PSIP1: variants seen among roughly 807,000 people sequenced by gnomAD.
The protein encoded by PSIP1 is PC4 and SFRS1-interacting protein.
A neutral mutation model predicts 74.7 loss-of-function variants in PSIP1; 19 were observed. The observed-to-expected ratio is 0.25, with a 90% CI of 0.18 to 0.37. PSIP1 has a LOEUF of 0.37. Among genes scored for constraint, PSIP1 ranks in the 10% least tolerant of loss-of-function variants. The pLI is 1.00. For synonymous variants in PSIP1, 222 were observed against 195.3 expected (o/e 1.14, Z -1.14); for missense variants, 601 against 614.3 (o/e 0.98, Z 0.23).
At chr9:15,494,425 C>G (rs1320413042) in intron 3 of PSIP1, among the ~76,000 whole-genome samples, 1 of 151,718 alleles carries the variant, frequency 6.6e-6, no homozygotes, top group Non-Finnish European at 1.5e-5. Flanking sequence ...ATTAGCCAGG[C>G]GTGGTGGCAC....
chr9:15,497,325 C>CTTTATTTTTTTT (rs2037124543), intron 3 of PSIP1, among the ~76,000 whole-genome samples: 1 of 118,594 alleles, frequency 8.4e-6, no homozygotes, highest in East Asian at 2.2e-4. Context: ...TCTATGATTC[C>CTTTATTTTTTTT]TTTTTTTTTT....
intron 15 of PSIP1, chr9:15,465,885 A>AT (rs1421845671): frequency 5.8e-5 from 16 of 275,282 alleles, no homozygotes; most frequent in Non-Finnish European, 6.7e-6. Flanking sequence ...TTTAAAGAAC[A>AT]TGAGAATGTT....
Position 15,473,900 on chromosome 9 carries a change from CAAACAAAAAAAAAACAAAAAAAA to C in PSIP1, c.858+86_858+108del, listed in dbSNP as rs1418195168. 1.1e-3 allele frequency: 870 copies of C among 758,870 alleles called. 4 individuals carry two copies. The highest frequency in any genetic ancestry group is 7.0e-3 in the African/African-American group (191 of 27,232). The allele number at this position is 758,870 out of a possible 1,614,324, so 47.0% of individuals were successfully genotyped here. A position where few individuals can be genotyped will look rare whatever the true frequency, so the allele number is the denominator to read the frequency against. On this transcript the variant is annotated intron_variant, in intron 9 of 15. Coordinates refer to ENST00000380733, the MANE Select transcript of PSIP1 (RefSeq NM_033222.5). ...TAAGCAACACAGCGAGACTCCATCT[CAAACAAAAAAAAAACAAAAAAAA>C]AAACAAAAAAAAAACAAAGAAAAAA...
Position 15,506,551 on chromosome 9 carries a change from C to G in PSIP1, c.149+10G>C. The G allele has an allele frequency of 6.3e-7, 1 of 1,588,794 alleles. No homozygotes were observed. Among genetic ancestry groups the G allele is most frequent in the Non-Finnish European group, 8.6e-7 (1 of 1,157,862 alleles). ...AGCTCTGATTTGCCTTTAAAGCTAA[C>G]AGGACTTACGTCTCATGAGTTCCAA... On this transcript the variant is annotated intron_variant, in intron 3 of 15. Transcript: ENST00000380733.
At chr9:15,481,812 T>C (rs1337199621) in intron 6 of PSIP1, among the ~76,000 whole-genome samples, 1 of 152,220 alleles carries the variant, frequency 6.6e-6, no homozygotes, top group Non-Finnish European at 1.5e-5. Context: ...ACCATGCACG[T>C]GTGTTCATGA....
chr9:15,469,420 T>C, intron 11 of PSIP1, 84 bp from the exon 12 acceptor site: 1 of 792,488 alleles, frequency 1.3e-6, no homozygotes, highest in Non-Finnish European at 2.0e-6. Context: ...AATGAATTAG[T>C]GGACTTAAAA....
chr9:15,486,943 C>G lies in PSIP1; in HGVS notation c.289-12G>C. The G allele has an allele frequency of 6.5e-7, 1 of 1,535,732 alleles. No individual in the cohort carries two copies. Among genetic ancestry groups the G allele is most frequent in the South Asian group, 1.2e-5 (1 of 86,582 alleles). On this transcript the variant is annotated splice_polypyrimidine_tract_variant and intron_variant, in intron 4 of 15. Coordinates refer to ENST00000380733, the MANE Select transcript of PSIP1 (RefSeq NM_033222.5). ...TGTTTAGTTGCTGCCTGTGAGCAAT[C>G]AACTCTATTAATTTCAAAAAATAAG...
chr9:15,501,967 A>T (rs1452845408), intron 3 of PSIP1, among the ~76,000 whole-genome samples: 2 of 151,886 alleles, frequency 1.3e-5, no homozygotes, highest in African/African-American at 4.8e-5. Context: ...GCTACACAGC[A>T]GGAGGGAGGC....
At chr9:15,477,235 T>G (rs1365481903) in intron 8 of PSIP1, among the ~76,000 whole-genome samples, 2 of 152,194 alleles carry the variant, frequency 1.3e-5, no homozygotes, top group Admixed American at 1.3e-4. Context: ...AGGTAAAAAT[T>G]CTATGTGTTT....
At chr9:15,469,140 AAAAG>A (rs1166196919) in intron 12 of PSIP1, 82 bp from the exon 13 acceptor site, 9 of 1,434,238 alleles carry the variant, frequency 6.3e-6, no homozygotes, top group Admixed American at 6.2e-5. Context: ...TTTCCAAAAA[AAAAG>A]AGGTAGTGCA....
At chr9:15,489,285 G>A (rs1009493510) in intron 4 of PSIP1, 3 of 152,032 alleles carry the variant, frequency 2.0e-5, no homozygotes, top group African/African-American at 4.8e-5. Flanking sequence ...TAACTCATGA[G>A]GTTCATATTC....
At chr9:15,480,492 T>C (rs973472696) in intron 6 of PSIP1, among the ~76,000 whole-genome samples, 10 of 152,242 alleles carry the variant, frequency 6.6e-5, no homozygotes, top group Non-Finnish European at 1.3e-4. Context: ...TTTGTAAACA[T>C]AATGCCCAGT....
At chr9:15,472,444 T>C in intron 10 of PSIP1, 188 bp downstream of exon 10, 1 of 1,373,144 alleles carries the variant, frequency 7.3e-7, no homozygotes, top group Non-Finnish European at 9.3e-7. Flanking sequence ...TCAGTCAATT[T>C]CATCCTCTCA....
At chr9:15,508,546 T>A (rs550827549) in intron 2 of PSIP1, among the ~76,000 whole-genome samples, 1 of 152,342 alleles carries the variant, frequency 6.6e-6, no homozygotes, top group East Asian at 1.9e-4. Flanking sequence ...GGAGATTTTT[T>A]AAACATTTCC....
intron 9 of PSIP1, among the ~76,000 whole-genome samples, chr9:15,473,424 C>CA (rs1185405360): frequency 6.6e-6 from 1 of 152,158 alleles, no homozygotes; most frequent in African/African-American, 2.4e-5. Context: ...GTACTGTTTA[C>CA]TTAATTTCCA....
chr9:15,505,653 T>C (rs1183947492), intron 3 of PSIP1: 1 of 146,974 alleles, frequency 6.8e-6, no homozygotes, highest in Non-Finnish European at 1.5e-5. Context: ...TGATAGTCAA[T>C]ATACTAAAAT....
chr9:15,494,651 A>T (rs1465477169), intron 3 of PSIP1, among the ~76,000 whole-genome samples: 1 of 151,826 alleles, frequency 6.6e-6, no homozygotes, highest in Non-Finnish European at 1.5e-5. Flanking sequence ...TTATTATTTA[A>T]ATTCTGTAAC....
chr9:15,501,554 G>C (rs2037345154), intron 3 of PSIP1, among the ~76,000 whole-genome samples: 1 of 152,166 alleles, frequency 6.6e-6, no homozygotes, highest in South Asian at 2.1e-4. Flanking sequence ...TTTTACAATA[G>C]AAAAAAGCGG....
chr9:15,473,854 T>C (rs1563870217), intron 9 of PSIP1, among the ~76,000 whole-genome samples, 155 bp downstream of exon 9: 4 of 149,796 alleles, frequency 2.7e-5, no homozygotes, highest in African/African-American at 9.9e-5. Flanking sequence ...TGAACCAAGA[T>C]TGTGCCACTG....
Sources: gnomAD v4.1 joint callset for allele counts (sites outside exome capture counted in the v4.1 genomes callset) on GRCh38, gnomAD v4.1.1 for gene constraint, MANE v1.5 for transcripts, NCBI Gene and HGNC (gene_info 2026-07-23, HGNC 2026-07-21) for gene names.